USP6NL: variants seen among roughly 807,000 people sequenced by gnomAD.
USP6NL encodes the protein USP6 N-terminal-like protein.
In USP6NL, 26 loss-of-function variants were observed where a neutral mutation model predicts 61.9. That is an observed-to-expected ratio of 0.42 (90% CI 0.31 to 0.58). The LOEUF (loss-of-function observed/expected upper bound fraction) is 0.58. Ranked by LOEUF, USP6NL falls within the 20% of genes least tolerant of loss-of-function variation. The pLI is 0.16. For missense variants in USP6NL, 1,114 were observed against 1,034.3 expected (o/e 1.08, Z -1.06); for synonymous variants, 432 against 390.1 (o/e 1.11, Z -1.27).
rs1835713114 is a variant in USP6NL at position 11,532,889 on chromosome 10, T to C, written c.5-5322A>G. ...ACATACAAGTAAAACAAATGTCTCA[T>C]GAAACAATATGTACTACAAGTACTG... On this transcript the variant is annotated intron_variant, in intron 2 of 14. Transcript: ENST00000609104. The surrounding 1 kb of genome is among the most constrained non-coding windows in gnomAD (Gnocchi z 4.1). Among the ~76,000 whole-genome samples, 1 of 152,246 alleles carries C rather than the reference T, an allele frequency of 6.6e-6. No individual in the cohort carries two copies. Among genetic ancestry groups the C allele is most frequent in the Non-Finnish European group, 1.5e-5 (1 of 68,040 alleles).
chr10:11,483,105 C>A (rs902571439), intron 13 of USP6NL, among the ~76,000 whole-genome samples: 1 of 152,198 alleles, frequency 6.6e-6, no homozygotes, highest in South Asian at 2.1e-4. Context: ...CTAACTGAAA[C>A]TTGAACCAGC....
At chr10:11,564,984 T>C (rs1837078591) in intron 2 of USP6NL, 2 of 152,194 alleles carry the variant, frequency 1.3e-5, no homozygotes, top group Non-Finnish European at 1.5e-5. Flanking sequence ...TGCCATTTAT[T>C]AAGCAACTCA....
chr10:11,476,943 C>A lies in USP6NL; in HGVS notation c.1078+4827G>T, dbSNP rs1006267333. Among the ~76,000 whole-genome samples, 3 of 152,320 alleles carry A rather than the reference C, an allele frequency of 2.0e-5. No homozygotes were observed. Among genetic ancestry groups the A allele is most frequent in the African/African-American group, 7.2e-5 (3 of 41,576 alleles). On this transcript the variant is annotated intron_variant, in intron 14 of 14. Transcript: ENST00000609104. This position sits in a 1 kb window ranked among gnomAD's most constrained non-coding sequence, Gnocchi z 4.3. ...CTGAAGTGCAGTGGTGCGATCTTGACTCACTGCAACCTCCGCCTCCCAGGT... is the reference window on the plus strand; with the variant it reads ...CTGAAGTGCAGTGGTGCGATCTTGAATCACTGCAACCTCCGCCTCCCAGGT...
chr10:11,504,687 T>C (rs1256878771), intron 6 of USP6NL, among the ~76,000 whole-genome samples: 1 of 152,246 alleles, frequency 6.6e-6, no homozygotes, highest in East Asian at 1.9e-4. Flanking sequence ...TGGCCAACGC[T>C]TATGAGGTTC....
Position 11,463,922 on chromosome 10 carries a change from A to T in USP6NL, c.1079-73T>A. 7.4e-7 allele frequency: 1 copy of T among 1,357,880 alleles called. No individual in the cohort carries two copies. Among genetic ancestry groups the T allele is most frequent in the Non-Finnish European group, 9.9e-7 (1 of 1,015,050 alleles). 84.1% of individuals were successfully genotyped at this position (1,357,880 alleles called of 1,614,324 possible). ...TAGCCAGTTGAAGCAATCCATTAGT[A>T]ACAATGGCATGCTTTTCATCTGTGC... On this transcript the variant is annotated intron_variant, in intron 14 of 14. Coordinates refer to ENST00000609104, the MANE Select transcript of USP6NL (RefSeq NM_014688.5). This position sits in a 1 kb window ranked among gnomAD's most constrained non-coding sequence, Gnocchi z 6.3.
intron 14 of USP6NL, among the ~76,000 whole-genome samples, chr10:11,464,879 A>G (rs1832382235): frequency 1.3e-5 from 2 of 152,246 alleles, no homozygotes; most frequent in Non-Finnish European, 2.9e-5. Context: ...TATGTGAAAT[A>G]ACCTTGAAAT....
intron 4 of USP6NL, among the ~76,000 whole-genome samples, chr10:11,523,199 C>T (rs1385754272): frequency 6.6e-6 from 1 of 152,210 alleles, no homozygotes; most frequent in African/African-American, 2.4e-5. Context: ...CAAATACAGA[C>T]TAGGCTCCTG....
chr10:11,555,106 T>G (rs1300826138), intron 2 of USP6NL, among the ~76,000 whole-genome samples: 12 of 135,904 alleles, frequency 8.8e-5, no homozygotes, highest in Admixed American at 1.5e-4. Context: ...TTTTTTTTTT[T>G]TGGTTTTTTT....
At chr10:11,475,753 T>C (rs1832946891) in intron 14 of USP6NL, among the ~76,000 whole-genome samples, 1 of 152,100 alleles carries the variant, frequency 6.6e-6, no homozygotes, top group Admixed American at 6.5e-5. Context: ...CTCCATACAG[T>C]GTCAAGACAT....
rs929094899 is a variant in USP6NL at position 11,490,685 on chromosome 10, G to A, written c.543+147C>T. ...TCTAAGGCCCTAGGGTTATCACAGG[G>A]TTTCAGCTTAAAAAGATCCACAGAG... On this transcript the variant is annotated intron_variant, in intron 9 of 14. Transcript: ENST00000609104. This position sits in a 1 kb window ranked among gnomAD's most constrained non-coding sequence, Gnocchi z 4.5. 3.8e-6 allele frequency: 3 copies of A among 787,196 alleles called. No individual in the cohort carries two copies. The highest frequency in any genetic ancestry group is 6.1e-6 in the Non-Finnish European group (3 of 494,118). 48.8% of individuals were successfully genotyped at this position (787,196 alleles called of 1,614,324 possible).
chr10:11,498,952 T>C (rs1342289351), intron 7 of USP6NL, among the ~76,000 whole-genome samples: 1 of 152,200 alleles, frequency 6.6e-6, no homozygotes, highest in Non-Finnish European at 1.5e-5. Flanking sequence ...GAAGAAAAGA[T>C]TCTTGCCACT....
At chr10:11,573,034 TAA>T (rs34482246) in intron 2 of USP6NL, among the ~76,000 whole-genome samples, 17,786 of 152,132 alleles carry the variant, frequency 0.12, 1,350 homozygotes, top group East Asian at 0.16. Flanking sequence ...GCTATGAATA[TAA>T]GACTGTTTTT....
intron 10 of USP6NL, 126 bp from the exon 11 acceptor site, chr10:11,486,037 A>G: frequency 1.6e-6 from 1 of 642,116 alleles, no homozygotes; most frequent in Non-Finnish European, 2.4e-6. Flanking sequence ...TTACCAAAAT[A>G]TTTTTTCTCC....
intron 2 of USP6NL, among the ~76,000 whole-genome samples, chr10:11,543,101 A>G (rs898129803): frequency 9.9e-5 from 15 of 152,214 alleles, no homozygotes; most frequent in African/African-American, 3.6e-4. Context: ...TGGGTATTCA[A>G]TCATTATTAC....
intron 5 of USP6NL, 27 bp from the exon 6 acceptor site, chr10:11,509,702 ATTG>A: frequency 1.3e-6 from 2 of 1,521,948 alleles, no homozygotes; most frequent in Admixed American, 2.1e-5. Flanking sequence ...ATTCATTGTT[ATTG>A]TTGTTCGTTT....
In USP6NL at chr10:11,537,871, T is replaced by C. The variant is rs1835894417; in HGVS notation, c.5-10304A>G. 4.6e-5 allele frequency among the ~76,000 whole-genome samples: 7 copies of C among 152,294 alleles called. No homozygotes were observed. In the South Asian group the frequency reaches 1.5e-3, roughly 32 times the overall value. ...CAGCTTCCCAGCTGCCACCTCAGCC[T>C]CCCTTCAAGGAGTCCCCTTGATTCT... On this transcript the variant is annotated intron_variant, in intron 2 of 14. Coordinates refer to ENST00000609104, the MANE Select transcript of USP6NL (RefSeq NM_014688.5). The surrounding 1 kb of genome is among the most constrained non-coding windows in gnomAD (Gnocchi z 5.1).
In USP6NL at chr10:11,537,312, A is replaced by C. The variant is rs931108929; in HGVS notation, c.5-9745T>G. Among the ~76,000 whole-genome samples the C allele has an allele frequency of 2.6e-5, 4 of 152,056 alleles. No homozygotes were observed. The highest frequency in any genetic ancestry group is 4.4e-5 in the Non-Finnish European group (3 of 68,018). ...TTTTTTGTCGAGACGGGATTTTGCC[A>C]TGTTGCCCTGGCTGGTCTCGAACTC... On this transcript the variant is annotated intron_variant, in intron 2 of 14. Transcript: ENST00000609104. The surrounding 1 kb of genome is among the most constrained non-coding windows in gnomAD (Gnocchi z 5.1).
chr10:11,547,049 T>C (rs1256445967), intron 2 of USP6NL, among the ~76,000 whole-genome samples: 1 of 152,234 alleles, frequency 6.6e-6, no homozygotes, highest in Non-Finnish European at 1.5e-5. Context: ...TAACTTTACT[T>C]CATTTTTGTT....
rs1482405426 is a variant in USP6NL, at chr10:11,574,575, A to G, written c.4+23056T>C. 6.6e-6 allele frequency among the ~76,000 whole-genome samples: 1 copy of G among 152,252 alleles called. No individual in the cohort carries two copies. Among genetic ancestry groups the G allele is most frequent in the Non-Finnish European group, 1.5e-5 (1 of 68,042 alleles). On this transcript the variant is annotated intron_variant, in intron 2 of 14. Coordinates refer to ENST00000609104, the MANE Select transcript of USP6NL (RefSeq NM_014688.5). The surrounding 1 kb of genome is among the most constrained non-coding windows in gnomAD (Gnocchi z 4.3). Reference sequence around the variant, plus strand: ...TCAAAGTAAACCTACAGAGTTAACTAAAAGAGAAAAATGACACTCAGGTGA... The same window carrying G: ...TCAAAGTAAACCTACAGAGTTAACTGAAAGAGAAAAATGACACTCAGGTGA...
Sources: gnomAD v4.1 joint callset for allele counts (sites outside exome capture counted in the v4.1 genomes callset) on GRCh38, gnomAD v4.1.1 for gene constraint, Gnocchi (gnomAD v3.1) non-coding constraint, MANE v1.5 for transcripts, NCBI Gene and HGNC (gene_info 2026-07-23, HGNC 2026-07-21) for gene names.